The following CYTH4 variants were observed in gnomAD, a reference collection of about 807,000 sequenced individuals.
CYTH4 encodes the protein cytohesin-4.
In CYTH4, 22 loss-of-function variants were observed where a neutral mutation model predicts 57.5. The ratio of observed to expected loss-of-function variants is 0.38; its 90% confidence interval spans 0.27 to 0.55. CYTH4 has a LOEUF of 0.55. CYTH4 is among the 20% of genes least tolerant of loss of function. The pLI, the probability that CYTH4 is intolerant of heterozygous loss-of-function variation, is 0.74. For missense variants in CYTH4, 420 were observed against 535.6 expected, an observed-to-expected ratio of 0.78 and a Z score of 2.13; for synonymous variants, 186 against 206.5, an observed-to-expected ratio of 0.90 and a Z score of 0.85.
intron 8 of CYTH4, among the ~76,000 whole-genome samples, chr22:37,307,166 G>A (rs918816141): frequency 8.5e-5 from 13 of 152,242 alleles, no homozygotes; most frequent in African/African-American, 3.1e-4. Context: ...GCGGCAGTGC[G>A]TGCAAGGCGT....
intron 2 of CYTH4, 115 bp downstream of exon 2, chr22:37,292,818 T>C (rs2145857632): frequency 9.6e-7 from 1 of 1,036,330 alleles, no homozygotes; most frequent in Non-Finnish European, 1.4e-6. Flanking sequence ...CAACTCTGGC[T>C]CATATCAGCC....
At chr22:37,285,403 G>A (rs1928518609) in intron 1 of CYTH4, among the ~76,000 whole-genome samples, 1 of 152,034 alleles carries the variant, frequency 6.6e-6, no homozygotes. Context: ...ATTATTATTA[G>A]TATTTAAAAA....
chr22:37,288,829 C>T (rs564202792), intron 1 of CYTH4, among the ~76,000 whole-genome samples: 1 of 152,364 alleles, frequency 6.6e-6, no homozygotes, highest in Admixed American at 6.5e-5. Context: ...TCCATTCCAT[C>T]CGGCCAGCAC....
Position 37,298,695 on chromosome 22 carries a change from C to T in CYTH4, c.354-531C>T, listed in dbSNP as rs1056806019. ...GCAAAGGACTGGTCTGAGGGGTGGG[C>T]GAGTGGATAGGGGTGAAGCTGGACC... On this transcript the variant is annotated intron_variant, in intron 5 of 12. Transcript: ENST00000248901. The surrounding 1 kb of genome is among the most constrained non-coding windows in gnomAD (Gnocchi z 4.1). Among the ~76,000 whole-genome samples the T allele has an allele frequency of 6.6e-6, 1 of 151,930 alleles. No individual in the cohort carries two copies. The highest frequency in any genetic ancestry group is 2.4e-5 in the African/African-American group (1 of 41,338).
At position 37,295,645 on chromosome 22, in the gene CYTH4, G is replaced by A. The variant is rs781510886; in HGVS notation, c.168-354G>A. Among the ~76,000 whole-genome samples, 42 of 152,134 alleles carry A rather than the reference G, an allele frequency of 2.8e-4. No individual in the cohort carries two copies. The highest frequency in any genetic ancestry group is 5.6e-4 in the Non-Finnish European group (38 of 68,026). ...GGAAGTGACTCGCCCAAAGCAGCCC[G>A]GCTCAGATTCGCATCCAGGAGCCTG... On this transcript the variant is annotated intron_variant, in intron 3 of 12. Coordinates refer to ENST00000248901, the MANE Select transcript of CYTH4 (RefSeq NM_013385.5). This position sits in a 1 kb window ranked among gnomAD's most constrained non-coding sequence, Gnocchi z 4.1.
In CYTH4 at chr22:37,295,413, T is replaced by G. The variant is rs749906270; in HGVS notation, c.168-586T>G. On this transcript the variant is annotated intron_variant, in intron 3 of 12. Coordinates refer to ENST00000248901, the MANE Select transcript of CYTH4 (RefSeq NM_013385.5). The surrounding 1 kb of genome is among the most constrained non-coding windows in gnomAD (Gnocchi z 4.1). ...ACACGCATGCACACACACACAAGCATGCACACACACACAAGCATGCACACA... is the reference window on the plus strand; with the variant it reads ...ACACGCATGCACACACACACAAGCAGGCACACACACACAAGCATGCACACA... 2.7e-5 allele frequency among the ~76,000 whole-genome samples: 4 copies of G among 150,550 alleles called. No individual in the cohort carries two copies. The highest frequency in any genetic ancestry group is 4.4e-5 in the Non-Finnish European group (3 of 67,684).
rs1381357363 is a variant in CYTH4, at chr22:37,300,925, CCG to C, written c.454_455del (p.Arg152AlafsTer59). ...QALRQFLWSF[R>X]LPGEAQKIDR... Reference sequence around the variant, plus strand: ...CCCCCAGGCAGTTCCTGTGGAGCTTCCGGCTGCCGGGCGAGGCCCAGAAGATA... The same window carrying C: ...CCCCCAGGCAGTTCCTGTGGAGCTTCGCTGCCGGGCGAGGCCCAGAAGATA... On this transcript the variant is annotated frameshift_variant, in exon 7 of 13. Coordinates refer to ENST00000248901, the MANE Select transcript of CYTH4 (RefSeq NM_013385.5). LOFTEE classifies it high-confidence loss of function. 1 of 1,614,180 alleles carries C rather than the reference CCG, an allele frequency of 6.2e-7. No individual in the cohort carries two copies.
chr22:37,303,589 G>A (rs1357630143), intron 8 of CYTH4, among the ~76,000 whole-genome samples, 187 bp downstream of exon 8: 5 of 152,256 alleles, frequency 3.3e-5, no homozygotes, highest in African/African-American at 1.2e-4. Flanking sequence ...CCTGAAACCC[G>A]CCTGCCCAAA....
At position 37,311,704 on chromosome 22, in the gene CYTH4, G is replaced by A; in HGVS notation, c.957+177G>A. On this transcript the variant is annotated intron_variant, in intron 11 of 12. Coordinates refer to ENST00000248901, the MANE Select transcript of CYTH4 (RefSeq NM_013385.5). This position sits in a 1 kb window ranked among gnomAD's most constrained non-coding sequence, Gnocchi z 4.4. The stretch of plus-strand genomic sequence containing the variant: ...CTGGGGCCATGGACAGTGAGAAAAG[G>A]TCAATGTGGGTCCAAGGACGTGGTT... The A allele has an allele frequency of 2.0e-5, 14 of 690,126 alleles. No individual in the cohort carries two copies. Among genetic ancestry groups the A allele is most frequent in the Middle Eastern group, 3.8e-4 (1 of 2,630 alleles). The allele number at this position is 690,126 out of a possible 1,614,324, so 42.8% of individuals were successfully genotyped here.
intron 6 of CYTH4, chr22:37,300,061 A>G: frequency 1.4e-6 from 1 of 717,418 alleles, no homozygotes; most frequent in Non-Finnish European, 2.6e-6. Context: ...AATAGTACCA[A>G]CTTCACAGGG....
rs1929719599 is a variant in CYTH4 at position 37,313,354 on chromosome 22, C to G, written c.1113-85C>G. 5.1e-6 allele frequency: 7 copies of G among 1,374,306 alleles called. No individual in the cohort carries two copies. In the South Asian group the frequency reaches 8.3e-5, roughly 16 times the overall value. 85.1% of individuals were successfully genotyped at this position (1,374,306 alleles called of 1,614,324 possible). On this transcript the variant is annotated intron_variant, in intron 12 of 12. Coordinates refer to ENST00000248901, the MANE Select transcript of CYTH4 (RefSeq NM_013385.5). ...AGCAGGCTGACACCTCCCTGGGAAT[C>G]CCATGCCCCTGATACAAGCCCTGGG...
At chr22:37,289,762 G>A (rs1343968291) in intron 1 of CYTH4, among the ~76,000 whole-genome samples, 2 of 152,170 alleles carry the variant, frequency 1.3e-5, no homozygotes, top group Admixed American at 6.5e-5. Context: ...TGTTCCGTGG[G>A]CTGGCACTCT....
chr22:37,309,230 A>G lies in CYTH4; in HGVS notation c.715A>G (p.Lys239Glu), dbSNP rs1161908654. ...GGGGCAGAACCTCTTCGACAGCATC[A>G]AGAGTGAGCCATTCTCCATCCCTGA... ...DQLRNLFDSI[K>E]SEPFSIPEDD... The change falls in exon 9 of 13, where the codon AAG becomes GAG. Residue 239 changes from lysine to glutamate, a missense_variant. By Grantham distance (56) the Lys-to-Glu change is moderately conservative. Coordinates refer to ENST00000248901, the MANE Select transcript of CYTH4 (RefSeq NM_013385.5). 2 of 1,614,114 alleles carry G rather than the reference A, an allele frequency of 1.2e-6. No individual in the cohort carries two copies. Among genetic ancestry groups the G allele is most frequent in the Middle Eastern group, 3.3e-4 (2 of 6,062 alleles).
In CYTH4 at chr22:37,313,838, C is replaced by T. The variant is rs893297864; in HGVS notation, c.*327C>T. 3 of 344,286 alleles carry T rather than the reference C, an allele frequency of 8.7e-6. No homozygotes were observed. The highest frequency in any genetic ancestry group is 4.4e-5 in the Admixed American group (1 of 22,638). The allele number at this position is 344,286 out of a possible 1,614,324, so 21.3% of individuals were successfully genotyped here. The stretch of plus-strand genomic sequence containing the variant: ...TGCAACTTCTCTTCTCTCTGGACTT[C>T]GGTGTCCTCGGCTCTGAAGGCGCTC... On this transcript the variant is annotated 3_prime_UTR_variant, in exon 13 of 13. Coordinates refer to ENST00000248901, the MANE Select transcript of CYTH4 (RefSeq NM_013385.5).
intron 1 of CYTH4, among the ~76,000 whole-genome samples, chr22:37,287,336 G>A (rs757583589): frequency 2.0e-5 from 3 of 152,124 alleles, no homozygotes; most frequent in Non-Finnish European, 2.9e-5. Flanking sequence ...TGGAGCATCT[G>A]TAGGAATGCT....
intron 4 of CYTH4, 144 bp downstream of exon 4, chr22:37,296,209 T>C: frequency 1.1e-6 from 1 of 871,704 alleles, no homozygotes; most frequent in Non-Finnish European, 1.7e-6. Context: ...TCTTGTCCAG[T>C]GCCCCATGGC....
rs746250955 is a variant in CYTH4, at chr22:37,314,198, C to T, written c.*687C>T. 1 of 396,728 alleles carries T rather than the reference C, an allele frequency of 2.5e-6. No homozygotes were observed. Among genetic ancestry groups the T allele is most frequent in the Non-Finnish European group, 4.4e-6 (1 of 225,354 alleles). 24.6% of individuals were successfully genotyped at this position (396,728 alleles called of 1,614,324 possible). Reference sequence around the variant, plus strand: ...AAAACTGCAGTGTTTGGACTAGAAACGTATTGGCCCCTGCTAGCCCTGTGC... The same window carrying T: ...AAAACTGCAGTGTTTGGACTAGAAATGTATTGGCCCCTGCTAGCCCTGTGC... On this transcript the variant is annotated 3_prime_UTR_variant, in exon 13 of 13. Coordinates refer to ENST00000248901, the MANE Select transcript of CYTH4 (RefSeq NM_013385.5).
intron 1 of CYTH4, among the ~76,000 whole-genome samples, 174 bp downstream of exon 1, chr22:37,282,762 T>C (rs1256764632): frequency 6.6e-6 from 1 of 152,242 alleles, no homozygotes; most frequent in Non-Finnish European, 1.5e-5. Flanking sequence ...TTCTAGGGGC[T>C]GGACACACAG....
Position 37,313,594 on chromosome 22 carries a change from T to A in CYTH4, c.*83T>A. The A allele has an allele frequency of 8.0e-7, 1 of 1,243,814 alleles. No individual in the cohort carries two copies. Among genetic ancestry groups the A allele is most frequent in the Non-Finnish European group, 1.2e-6 (1 of 848,724 alleles). 77.0% of individuals were successfully genotyped at this position (1,243,814 alleles called of 1,614,324 possible). A position where few individuals can be genotyped will look rare whatever the true frequency, so the allele number is the denominator to read the frequency against. On this transcript the variant is annotated 3_prime_UTR_variant, in exon 13 of 13. Coordinates refer to ENST00000248901, the MANE Select transcript of CYTH4 (RefSeq NM_013385.5). ...CCTGGAGACCCACCTCCCACCCCAG[T>A]GCACTCTTTTGGGCCACAGACATCA...
Sources: gnomAD v4.1 joint callset for allele counts (sites outside exome capture counted in the v4.1 genomes callset) on GRCh38, gnomAD v4.1.1 for gene constraint, Gnocchi (gnomAD v3.1) non-coding constraint, MANE v1.5 for transcripts, NCBI Gene and HGNC (gene_info 2026-07-23, HGNC 2026-07-21) for gene names.